The following BDH1 variants were observed in gnomAD, a reference collection of about 807,000 sequenced individuals.
BDH1 encodes the protein 3-hydroxybutyrate dehydrogenase 1.
In BDH1, 30 loss-of-function variants were observed where a neutral mutation model predicts 33.1. The observed-to-expected ratio is 0.91, with a 90% CI of 0.68 to 1.23. BDH1 has a LOEUF of 1.23. Ranked by LOEUF, BDH1 falls within the 50% of genes most tolerant of loss-of-function variation. The pLI is 0.00. For missense variants in BDH1, 443 were observed against 464.4 expected, an observed-to-expected ratio of 0.95 and a Z score of 0.42; for synonymous variants, 190 against 183.6, an observed-to-expected ratio of 1.03 and a Z score of -0.28.
chr3:197,570,915 C>G (rs1475665780), intron 1 of BDH1, among the ~76,000 whole-genome samples: 1 of 152,236 alleles, frequency 6.6e-6, no homozygotes, highest in Non-Finnish European at 1.5e-5. Context: ...CCACTGACAG[C>G]TTGCACCATG....
At chr3:197,518,351 A>C (rs1579877015) in intron 6 of BDH1, among the ~76,000 whole-genome samples, 1 of 3,752 alleles carries the variant, frequency 2.7e-4, no homozygotes, top group Admixed American at 3.0e-3. Flanking sequence ...TATGGTCTCC[A>C]TCCCCCCTCA....
upstream of BDH1, among the ~76,000 whole-genome samples, chr3:197,560,145 G>A (rs35660426): frequency 0.033 from 5,062 of 152,328 alleles, 136 homozygotes; most frequent in Non-Finnish European, 0.048. Flanking sequence ...AAGTAGAGGT[G>A]AGTCTTCAAA....
intron 1 of BDH1, among the ~76,000 whole-genome samples, chr3:197,565,336 T>C (rs1462982329): frequency 2.0e-5 from 3 of 152,220 alleles, no homozygotes; most frequent in Non-Finnish European, 2.9e-5. Flanking sequence ...GTCAAATGAA[T>C]GACTTATTTT....
At chr3:197,568,269 G>C (rs995212139) in intron 1 of BDH1, among the ~76,000 whole-genome samples, 1 of 150,988 alleles carries the variant, frequency 6.6e-6, no homozygotes, top group Non-Finnish European at 1.5e-5. Context: ...TGATGCAATT[G>C]AATTTTATTA....
At chr3:197,513,485 C>T (rs1399327360) in intron 7 of BDH1, among the ~76,000 whole-genome samples, 4 of 128,490 alleles carry the variant, frequency 3.1e-5, no homozygotes, top group African/African-American at 9.1e-5. Flanking sequence ...GGTGTGCCCC[C>T]GGGAGGGCAC....
intron 2 of BDH1, among the ~76,000 whole-genome samples, chr3:197,552,043 A>T (rs544262636): frequency 1.4e-4 from 21 of 152,296 alleles, no homozygotes; most frequent in South Asian, 4.2e-4. Flanking sequence ...TCTCCAACCC[A>T]ACCTTCTCCC....
In BDH1 at chr3:197,546,405, G is replaced by A; in HGVS notation, c.39C>T (p.Leu13=). Residue 13 remains leucine (L), a synonymous_variant, in exon 3 of 8, where the codon CTC becomes CTT. Transcript: ENST00000392379. The stretch of plus-strand genomic sequence containing the variant: ...CACAGGCACTTAGGGTTTTTCCTGG[G>A]AGCCGTGACAGGGGTCTGGAGAGGC... ...ATRLSRPLSR[L]PGKTLSACDR... is the part of the protein sequence containing the mutation. 1 of 1,614,064 alleles carries A rather than the reference G, an allele frequency of 6.2e-7. No homozygotes were observed. Among genetic ancestry groups the A allele is most frequent in the Non-Finnish European group, 8.5e-7 (1 of 1,180,010 alleles).
chr3:197,529,425 G>C (rs1714442256), intron 5 of BDH1: 1 of 152,156 alleles, frequency 6.6e-6, no homozygotes, highest in Admixed American at 6.5e-5. Flanking sequence ...TTTCAGATCA[G>C]AGATGCTGAG....
In BDH1 at chr3:197,512,066, G is replaced by A. The variant is rs956149169; in HGVS notation, c.861C>T (p.Tyr287=). 6 of 1,614,100 alleles carry A rather than the reference G, an allele frequency of 3.7e-6. No homozygotes were observed. The highest frequency in any genetic ancestry group is 5.1e-6 in the Non-Finnish European group (6 of 1,180,040). The part of the protein sequence containing the change: ...FDEKIAKMET[Y]CSSGSTDTSP... ...ACGTGTCTGTGGAGCCACTGCTGCA[G>A]TAGGTCTCCATCTTGGCGATCTTTT... The change falls in exon 8 of 8, where the codon TAC becomes TAT. Residue 287 remains tyrosine (Y), a synonymous_variant. Coordinates refer to ENST00000392379, the MANE Select transcript of BDH1 (RefSeq NM_203314.3).
intron 5 of BDH1, among the ~76,000 whole-genome samples, chr3:197,524,137 T>G (rs1713846966): frequency 6.6e-6 from 1 of 152,194 alleles, no homozygotes; most frequent in South Asian, 2.1e-4. Flanking sequence ...TGAGCTACAC[T>G]CGATGTGAAA....
intron 2 of BDH1, among the ~76,000 whole-genome samples, chr3:197,549,975 T>TTATTTTTATTTATATATATATATATATA (rs1553875236): frequency 6.8e-6 from 1 of 146,890 alleles, no homozygotes; most frequent in African/African-American, 2.7e-5. Flanking sequence ...CAAATAACTA[T>TTATTTTTATTTATATATATATATATATA]TATATATATA....
chr3:197,537,607 C>A (rs1715268344), intron 3 of BDH1, among the ~76,000 whole-genome samples: 1 of 152,194 alleles, frequency 6.6e-6, no homozygotes, highest in African/African-American at 2.4e-5. Context: ...ATCTTAGGGA[C>A]AAAGCATTCA....
At chr3:197,540,573 G>A (rs1715527990) in intron 3 of BDH1, among the ~76,000 whole-genome samples, 2 of 152,054 alleles carry the variant, frequency 1.3e-5, no homozygotes, top group Non-Finnish European at 2.9e-5. Context: ...GGAGGCTGAG[G>A]CAGGAGAATC....
upstream of BDH1, among the ~76,000 whole-genome samples, chr3:197,557,155 G>A (rs1717087876): frequency 6.6e-6 from 1 of 152,030 alleles, no homozygotes; most frequent in Non-Finnish European, 1.5e-5. This position sits in a 1 kb window ranked among gnomAD's most constrained non-coding sequence, Gnocchi z 4.6. Context: ...CTGAGCCAAT[G>A]TTCATCTTAC....
rs2108700327 is a variant in BDH1 at position 197,513,671 on chromosome 3, T to A, written c.562+593A>T. On this transcript the variant is annotated intron_variant, in intron 7 of 7. Coordinates refer to ENST00000392379, the MANE Select transcript of BDH1 (RefSeq NM_203314.3). ...AGCTGCAGTCTGTGTTCATGCTTGT[T>A]GTTGCTAGGACTTCACCATAGATGT... is the stretch of plus-strand genomic sequence containing the variant. Among the ~76,000 whole-genome samples the A allele has an allele frequency of 2.6e-5, 4 of 152,372 alleles. No homozygotes were observed. The South Asian group carries it at 8.3e-4, about 32-fold the overall frequency.
chr3:197,526,201 G>C lies in BDH1; in HGVS notation c.268-3420C>G, dbSNP rs537080090. The stretch of plus-strand genomic sequence containing the variant: ...TAAGCAAATAATTCCAGCCCAGCCT[G>C]GTTTGAGAACCCAAACTCCCAAACT... On this transcript the variant is annotated intron_variant, in intron 5 of 7. Coordinates refer to ENST00000392379, the MANE Select transcript of BDH1 (RefSeq NM_203314.3). The surrounding 1 kb of genome is among the most constrained non-coding windows in gnomAD (Gnocchi z 4.7). Among the ~76,000 whole-genome samples the C allele has an allele frequency of 4.6e-5, 7 of 152,254 alleles. No homozygotes were observed. The highest frequency in any genetic ancestry group is 3.4e-3 in the Middle Eastern group (1 of 294).
chr3:197,556,413 A>G (rs1430510307), upstream of BDH1, among the ~76,000 whole-genome samples: 2 of 152,230 alleles, frequency 1.3e-5, no homozygotes, highest in African/African-American at 4.8e-5. Flanking sequence ...CACGCCTGTA[A>G]TTCCAGCACT....
At chr3:197,545,754 G>A (rs1440414771) in intron 3 of BDH1, among the ~76,000 whole-genome samples, 1 of 152,234 alleles carries the variant, frequency 6.6e-6, no homozygotes, top group African/African-American at 2.4e-5. Context: ...ATTTAGGGAA[G>A]TTAGCTGAAG....
At chr3:197,540,650 G>C (rs1397720621) in intron 3 of BDH1, among the ~76,000 whole-genome samples, 1 of 152,098 alleles carries the variant, frequency 6.6e-6, no homozygotes, top group East Asian at 1.9e-4. Context: ...GCCTGGGCGA[G>C]AGTGAGACCT....
Sources: allele counts gnomAD v4.1 joint callset (sites outside exome capture counted in the v4.1 genomes callset), GRCh38; gene constraint gnomAD v4.1.1; non-coding constraint Gnocchi (gnomAD v3.1); transcripts MANE v1.5; gene names NCBI Gene and HGNC (gene_info 2026-07-23, HGNC 2026-07-21).